The following PTBP3 variants were observed in gnomAD, a reference collection of about 807,000 sequenced individuals.
PTBP3 encodes the protein polypyrimidine tract binding protein 3.
A neutral mutation model predicts 58.7 loss-of-function variants in PTBP3; 20 were observed. The ratio of observed to expected loss-of-function variants is 0.34; its 90% CI spans 0.24 to 0.50. PTBP3 has a LOEUF of 0.50. PTBP3 is among the 20% of genes least tolerant of loss of function. PTBP3 has a pLI of 0.98. For missense variants in PTBP3, 509 were observed against 637.2 expected (o/e 0.80, Z 2.17); for synonymous variants, 185 against 219.8 (o/e 0.84, Z 1.40).
chr9:112,280,943 G>A (rs1827836407), intron 2 of PTBP3: 1 of 152,084 alleles, frequency 6.6e-6, no homozygotes, highest in Non-Finnish European at 1.5e-5. Context: ...GGGATGGGCA[G>A]CTTCATATTG....
intron 1 of PTBP3, among the ~76,000 whole-genome samples, chr9:112,302,137 A>G (rs1051492905): frequency 6.6e-6 from 1 of 152,198 alleles, no homozygotes; most frequent in Non-Finnish European, 1.5e-5. Flanking sequence ...CAAAACGCAG[A>G]TAACATATAC....
At chr9:112,312,704 T>C (rs989116597) in intron 1 of PTBP3, among the ~76,000 whole-genome samples, 4 of 151,812 alleles carry the variant, frequency 2.6e-5, no homozygotes, top group Admixed American at 6.6e-5. Flanking sequence ...AAAATAATAA[T>C]AAATCAATGA....
At chr9:112,278,863 A>G (rs1827735026) in intron 2 of PTBP3, among the ~76,000 whole-genome samples, 1 of 152,224 alleles carries the variant, frequency 6.6e-6, no homozygotes, top group African/African-American at 2.4e-5. Flanking sequence ...CACAACATCT[A>G]GTACACTGTA....
chr9:112,365,311 T>C, the PTBP3 span, among the ~76,000 whole-genome samples: 1 of 152,190 alleles, frequency 6.6e-6, no homozygotes, highest in Non-Finnish European at 1.5e-5. Context: ...CCATGTGTTG[T>C]GGGAGGGACC....
the PTBP3 span, among the ~76,000 whole-genome samples, chr9:112,368,430 C>CA: frequency 1.1e-4 from 17 of 152,178 alleles, no homozygotes; most frequent in Admixed American, 1.1e-3. Flanking sequence ...CTTGGCCTCC[C>CA]AAAGTGCTGG....
rs569333595 is a variant in PTBP3 at position 112,230,993 on chromosome 9, A to G, written c.1054+387T>C. 1.3e-4 allele frequency among the ~76,000 whole-genome samples: 19 copies of G among 150,998 alleles called. No individual in the cohort carries two copies. In the South Asian group the frequency reaches 3.5e-3, roughly 28 times the overall value. ...AGCTGTCCACCTTCACCAGGTCTCC[A>G]TTATGCTTGCCTATGCTCACCACTG... On this transcript the variant is annotated intron_variant, in intron 10 of 13. Transcript: ENST00000374257.
intron 2 of PTBP3, among the ~76,000 whole-genome samples, chr9:112,285,018 T>G (rs1828048379): frequency 7.3e-6 from 1 of 136,250 alleles, no homozygotes; most frequent in African/African-American, 2.9e-5. Context: ...GGTTTTGAAA[T>G]GGAAAAAGGA....
the PTBP3 span, among the ~76,000 whole-genome samples, chr9:112,353,325 C>T: frequency 6.6e-6 from 1 of 152,166 alleles, no homozygotes; most frequent in African/African-American, 2.4e-5. Context: ...TTGTGAGTTA[C>T]CCTAATCTTT....
At chr9:112,242,927 AAT>A (rs1279870536) in intron 7 of PTBP3, 1 of 152,218 alleles carries the variant, frequency 6.6e-6, no homozygotes, top group Admixed American at 6.5e-5. Flanking sequence ...CCCCAATACC[AAT>A]ATCCACTTAT....
At position 112,277,318 on chromosome 9, in the gene PTBP3, C is replaced by A. The variant is rs370208037; in HGVS notation, c.35-1305G>T. 7.2e-5 allele frequency among the ~76,000 whole-genome samples: 11 copies of A among 152,268 alleles called. No individual in the cohort carries two copies. In the South Asian group the frequency reaches 2.3e-3, roughly 32 times the overall value. On this transcript the variant is annotated intron_variant, in intron 2 of 13. Coordinates refer to ENST00000374257, the MANE Select transcript of PTBP3 (RefSeq NM_001163788.4). ...GTCAGATTATGGAAAATAATTGGCA[C>A]ACAAATGTTTATCGGATTAATTAAT...
At chr9:112,334,579 G>GT, upstream of PTBP3, among the ~76,000 whole-genome samples, 1 of 152,238 alleles carries the variant, frequency 6.6e-6, no homozygotes, top group African/African-American at 2.4e-5. Context: ...CCCCTAAACT[G>GT]TTAAGCCAAA....
the PTBP3 span, among the ~76,000 whole-genome samples, chr9:112,342,040 G>A: frequency 6.6e-6 from 1 of 152,118 alleles, no homozygotes; most frequent in African/African-American, 2.4e-5. Context: ...ACCCAATGTG[G>A]GCAGGCATCA....
At chr9:112,306,357 G>T (rs1208868883) in intron 1 of PTBP3, among the ~76,000 whole-genome samples, 1 of 150,926 alleles carries the variant, frequency 6.6e-6, no homozygotes, top group Non-Finnish European at 1.5e-5. Context: ...GTAGAGATGG[G>T]GTTTCACCAT....
intron 5 of PTBP3, among the ~76,000 whole-genome samples, chr9:112,257,540 G>A (rs1836421400): frequency 6.6e-6 from 1 of 151,898 alleles, no homozygotes; most frequent in South Asian, 2.1e-4. Flanking sequence ...ACAGGACTAA[G>A]AAGATACTAA....
chr9:112,345,107 A>G, the PTBP3 span, among the ~76,000 whole-genome samples: 1 of 151,946 alleles, frequency 6.6e-6, no homozygotes, highest in African/African-American at 2.4e-5. Flanking sequence ...CACAGCAAAA[A>G]TAATAATAAT....
chr9:112,341,708 TTGG>T, the PTBP3 span, among the ~76,000 whole-genome samples: 1 of 152,202 alleles, frequency 6.6e-6, no homozygotes, highest in African/African-American at 2.4e-5. Context: ...TTTCAATTAC[TTGG>T]TGGGGATGGT....
chr9:112,231,831 C>T (rs1219222767), intron 9 of PTBP3, among the ~76,000 whole-genome samples: 1 of 151,312 alleles, frequency 6.6e-6, no homozygotes, highest in East Asian at 1.9e-4. Context: ...TCACTTGAGC[C>T]CAGGAAGCAG....
upstream of PTBP3, among the ~76,000 whole-genome samples, chr9:112,333,913 G>A (rs1434014676): frequency 6.7e-6 from 1 of 149,114 alleles, no homozygotes; most frequent in Admixed American, 6.6e-5. Flanking sequence ...CGCGCCTTGT[G>A]CTTCCCGCTC....
At position 112,221,440 on chromosome 9, in the gene PTBP3, A is replaced by T. The variant is rs1834803006; in HGVS notation, c.*2411T>A. On this transcript the variant is annotated 3_prime_UTR_variant, in exon 14 of 14. Transcript: ENST00000374257. ...CTTTGCTACACTTATGCTGAATGTT[A>T]TGAGAATCATGAATTAATAAATTAC... 1.0e-6 allele frequency: 1 copy of T among 985,680 alleles called. No homozygotes were observed. The highest frequency in any genetic ancestry group is 1.2e-6 in the Non-Finnish European group (1 of 829,754). The allele number at this position is 985,680 out of a possible 1,614,324, so 61.1% of individuals were successfully genotyped here. A position where few individuals can be genotyped will look rare whatever the true frequency, so the allele number is the denominator to read the frequency against.
Sources: allele counts gnomAD v4.1 joint callset (sites outside exome capture counted in the v4.1 genomes callset), GRCh38; gene constraint gnomAD v4.1.1; transcripts MANE v1.5; gene names NCBI Gene and HGNC (gene_info 2026-07-23, HGNC 2026-07-21).